Variants in PSMC5 observed in about 807,000 individuals in gnomAD.
The protein encoded by PSMC5 is 26S proteasome regulatory subunit 8.
A neutral mutation model predicts 49.1 loss-of-function variants in PSMC5; 11 were observed. The ratio of observed to expected loss-of-function variants is 0.22; its 90% CI spans 0.14 to 0.37. The LOEUF (loss-of-function observed/expected upper bound fraction) is 0.37. PSMC5 is among the 10% of genes least tolerant of loss of function. The pLI, the probability that PSMC5 is intolerant of heterozygous loss-of-function variation, is 1.00. For synonymous variants in PSMC5, 206 were observed against 192.2 expected (o/e 1.07, Z -0.59); for missense variants, 229 against 520.9 (o/e 0.44, Z 5.45).
chr17:63,828,906 C>G (rs1349441660), intron 2 of PSMC5: 1 of 154,334 alleles, frequency 6.5e-6, no homozygotes, highest in Non-Finnish European at 1.4e-5. Flanking sequence ...GTTCAAGTGT[C>G]AACTGTAATA....
Position 63,830,468 on chromosome 17 carries a change from G to A in PSMC5, c.519G>A (p.Glu173=). The A allele has an allele frequency of 6.2e-7, 1 of 1,614,118 alleles. No homozygotes were observed. Among genetic ancestry groups the A allele is most frequent in the Non-Finnish European group, 8.5e-7 (1 of 1,180,044 alleles). The stretch of plus-strand genomic sequence containing the variant: ...TCGAGCTGCCTGTTAAGCATCCTGA[G>A]CTCTTCGAAGCACTGGGCATTGCTC... ...EVIELPVKHP[E]LFEALGIAQP... is the part of the protein sequence containing the mutation. The change falls in exon 6 of 12, where the codon GAG becomes GAA. Residue 173 remains glutamate, a synonymous_variant. Transcript: ENST00000310144. The surrounding 1 kb of genome is among the most constrained non-coding windows in gnomAD (Gnocchi z 4.0).
Position 63,831,932 on chromosome 17 carries a change from G to A in PSMC5, c.1184G>A (p.Ser395Asn), listed in dbSNP as rs146352219. 7.7e-4 allele frequency: 1,245 copies of A among 1,614,084 alleles called. 1 individual carries two copies. Among genetic ancestry groups the A allele is most frequent in the Non-Finnish European group, 9.8e-4 (1,155 of 1,179,916 alleles). ...MAVAKVMQKD[S>N]EKNMSIKKLW... is the part of the protein sequence containing the mutation. ...CACCCCTAGGTCATGCAGAAGGACA[G>A]TGAGAAAAACATGTCCATCAAGAAA... Residue 395 changes from serine to asparagine, a missense_variant, in exon 12 of 12, where the codon AGT becomes AAT. This residue lies in a region of PSMC5 where 121 missense variants were observed against 330.6 expected (regional missense o/e 0.37). Transcript: ENST00000310144. This position sits in a 1 kb window ranked among gnomAD's most constrained non-coding sequence, Gnocchi z 6.3.
chr17:63,829,823 G>A (rs2040160322), intron 3 of PSMC5, 29 bp from the exon 4 acceptor site: 2 of 1,609,944 alleles, frequency 1.2e-6, no homozygotes, highest in Non-Finnish European at 1.7e-6. Flanking sequence ...GGAGTAGCTA[G>A]GTGACCACTG....
At chr17:63,827,579 G>A in intron 1 of PSMC5, 65 bp downstream of exon 1, 1 of 1,551,242 alleles carries the variant, frequency 6.4e-7, no homozygotes, top group Non-Finnish European at 8.7e-7. Context: ...CGTGATCTGA[G>A]TGGAGAGCGG....
In PSMC5 at chr17:63,830,381, A is replaced by T. The variant is rs2040168293; in HGVS notation, c.432A>T (p.Pro144=). 6.2e-7 allele frequency: 1 copy of T among 1,614,150 alleles called. No homozygotes were observed. Residue 144 remains proline, a synonymous_variant, in exon 6 of 12, where the codon CCA becomes CCT. Transcript: ENST00000310144. The surrounding 1 kb of genome is among the most constrained non-coding windows in gnomAD (Gnocchi z 4.0). ...CACTGATGATGGTGGAGAAAGTACC[A>T]GATTCAACTTATGAGATGATTGGTG... ...LVSLMMVEKV[P]DSTYEMIGGL...
At chr17:63,827,617 G>A in intron 1 of PSMC5, 103 bp downstream of exon 1, 4 of 1,547,932 alleles carry the variant, frequency 2.6e-6, no homozygotes. Flanking sequence ...GGGTGGGTCG[G>A]AGGTGCCTGG....
Position 63,830,242 on chromosome 17 carries a change from C to G in PSMC5, c.322-29C>G. 6.2e-7 allele frequency: 1 copy of G among 1,613,756 alleles called. No individual in the cohort carries two copies. The highest frequency in any genetic ancestry group is 2.2e-5 in the East Asian group (1 of 44,830). On this transcript the variant is annotated intron_variant, in intron 5 of 11. Transcript: ENST00000310144. This position sits in a 1 kb window ranked among gnomAD's most constrained non-coding sequence, Gnocchi z 4.0. Reference sequence around the variant, plus strand: ...GTGGTGGGGTCAGCTCTTACTGTACCACTTCTGAAACTCGCCCCCTTCACC... The same window carrying G: ...GTGGTGGGGTCAGCTCTTACTGTACGACTTCTGAAACTCGCCCCCTTCACC...
rs1470047201 is a variant in PSMC5, at chr17:63,830,462, T to C, written c.513T>C (p.His171=). 1.7e-5 allele frequency: 27 copies of C among 1,614,126 alleles called. No homozygotes were observed. Among genetic ancestry groups the C allele is most frequent in the Non-Finnish European group, 2.3e-5 (27 of 1,180,038 alleles). Residue 171 remains histidine (H), a synonymous_variant, in exon 6 of 12, where the codon CAT becomes CAC. Transcript: ENST00000310144. This position sits in a 1 kb window ranked among gnomAD's most constrained non-coding sequence, Gnocchi z 4.0. ...AAGTGATCGAGCTGCCTGTTAAGCA[T>C]CCTGAGCTCTTCGAAGCACTGGGCA... The part of the protein sequence containing the change: ...IKEVIELPVK[H]PELFEALGIA...
At chr17:63,829,717 A>G in intron 3 of PSMC5, 135 bp from the exon 4 acceptor site, 2 of 1,210,818 alleles carry the variant, frequency 1.7e-6, no homozygotes, top group Non-Finnish European at 2.4e-6. Flanking sequence ...GCCCTATTGT[A>G]GCCTCCTTAA....
rs1349667213 is a variant in PSMC5 at position 63,830,063 on chromosome 17, A to G, written c.265-70A>G. The G allele has an allele frequency of 6.3e-7, 1 of 1,582,256 alleles. No individual in the cohort carries two copies. The highest frequency in any genetic ancestry group is 2.2e-5 in the East Asian group (1 of 44,724). On this transcript the variant is annotated intron_variant, in intron 4 of 11. Transcript: ENST00000310144. This position sits in a 1 kb window ranked among gnomAD's most constrained non-coding sequence, Gnocchi z 4.0. Reference sequence around the variant, plus strand: ...TCTGTCAAGGTATTGTGGGATTCTCATAGGTCTTCCTGGGTAGGATTAGTG... The same window carrying G: ...TCTGTCAAGGTATTGTGGGATTCTCGTAGGTCTTCCTGGGTAGGATTAGTG...
Position 63,831,807 on chromosome 17 carries a change from C to G in PSMC5, c.1164C>G (p.Ala388=), listed in dbSNP as rs2040192155. The G allele has an allele frequency of 2.5e-6, 4 of 1,614,138 alleles. No individual in the cohort carries two copies. Among genetic ancestry groups the G allele is most frequent in the Non-Finnish European group, 1.7e-6 (2 of 1,180,006 alleles). Reference sequence around the variant, plus strand: ...AGGAGGACTTTGAGATGGCAGTAGCCAAGGTATAGGCCTCCATCTTTGTGC... The same window carrying G: ...AGGAGGACTTTGAGATGGCAGTAGCGAAGGTATAGGCCTCCATCTTTGTGC... ...VTQEDFEMAV[A]KVMQKDSEKN... Residue 388 remains alanine, a synonymous_variant, in exon 11 of 12, where the codon GCC becomes GCG. Coordinates refer to ENST00000310144, the MANE Select transcript of PSMC5 (RefSeq NM_002805.6). This position sits in a 1 kb window ranked among gnomAD's most constrained non-coding sequence, Gnocchi z 6.3.
Position 63,832,012 on chromosome 17 carries a change from G to A in PSMC5, c.*43G>A, listed in dbSNP as rs751862207. Reference sequence around the variant, plus strand: ...GTATCTCTCCAATAAAGCTCTGTGGGCCAAGTCCTCTAGGACTCCAGTCTG... The same window carrying A: ...GTATCTCTCCAATAAAGCTCTGTGGACCAAGTCCTCTAGGACTCCAGTCTG... On this transcript the variant is annotated 3_prime_UTR_variant, in exon 12 of 12. Transcript: ENST00000310144. 3.8e-6 allele frequency: 6 copies of A among 1,574,368 alleles called. No homozygotes were observed. Among genetic ancestry groups the A allele is most frequent in the Non-Finnish European group, 5.2e-6 (6 of 1,144,024 alleles).
intron 1 of PSMC5, 163 bp from the exon 2 acceptor site, chr17:63,827,975 C>T: frequency 7.8e-7 from 1 of 1,283,192 alleles, no homozygotes; most frequent in Non-Finnish European, 1.1e-6. Flanking sequence ...TGGAGGGTTC[C>T]AAGGGAGGGA....
intron 3 of PSMC5, 132 bp from the exon 4 acceptor site, chr17:63,829,720 C>T: frequency 8.2e-7 from 1 of 1,216,878 alleles, no homozygotes; most frequent in Non-Finnish European, 1.2e-6. Flanking sequence ...CTATTGTAGC[C>T]TCCTTAAATA....
Position 63,829,872 on chromosome 17 carries a change from C to T in PSMC5, c.187C>T (p.Leu63=), listed in dbSNP as rs1263173932. 2 of 1,614,138 alleles carry T rather than the reference C, an allele frequency of 1.2e-6. No individual in the cohort carries two copies. The highest frequency in any genetic ancestry group is 2.2e-5 in the South Asian group (2 of 91,072). ...NAKVRLLREE[L]QLLQEQGSYV... is the part of the protein sequence containing the mutation. ...TCTAGTTCGCCTATTGCGGGAGGAG[C>T]TACAGCTGCTGCAGGAGCAGGGCTC... The change falls in exon 4 of 12, where the codon CTA becomes TTA. Residue 63 remains leucine, a synonymous_variant. Coordinates refer to ENST00000310144, the MANE Select transcript of PSMC5 (RefSeq NM_002805.6).
At position 63,831,649 on chromosome 17, in the gene PSMC5, G is replaced by A. The variant is rs762773066; in HGVS notation, c.1080+33G>A. 5 of 1,613,220 alleles carry A rather than the reference G, an allele frequency of 3.1e-6. No homozygotes were observed. The African/African-American group carries it at 5.3e-5, about 17-fold the overall frequency. ...GAGTACCCACTGAAAACAGGGCAGA[G>A]GCAGGAAGCTCTGGGCTCAAGGGCC... On this transcript the variant is annotated intron_variant, in intron 10 of 11. Transcript: ENST00000310144. The surrounding 1 kb of genome is among the most constrained non-coding windows in gnomAD (Gnocchi z 6.3).
At chr17:63,828,369 AG>A in intron 2 of PSMC5, 160 bp downstream of exon 2, 2 of 666,034 alleles carry the variant, frequency 3.0e-6, no homozygotes, top group Non-Finnish European at 5.1e-6. Flanking sequence ...ATCAGAAGTA[AG>A]CAATCTCTTG....
chr17:63,829,822 A>C (rs376963691), intron 3 of PSMC5, 30 bp from the exon 4 acceptor site: 43 of 1,607,486 alleles, frequency 2.7e-5, no homozygotes, highest in Non-Finnish European at 3.6e-5. Context: ...AGGAGTAGCT[A>C]GGTGACCACT....
intron 1 of PSMC5, 195 bp from the exon 2 acceptor site, chr17:63,827,942 CT>C: frequency 7.6e-7 from 1 of 1,324,116 alleles, no homozygotes; most frequent in Non-Finnish European, 1.0e-6. Flanking sequence ...CGTTCCCATT[CT>C]TTTATTTTAG....
Sources: allele counts gnomAD v4.1 joint callset, GRCh38; gene constraint gnomAD v4.1.1; regional missense constraint gnomAD v4.1.1; non-coding constraint Gnocchi (gnomAD v3.1); transcripts MANE v1.5; gene names NCBI Gene and HGNC (gene_info 2026-07-23, HGNC 2026-07-21).